The following PLAC8L1 variants were observed in gnomAD, a reference collection of about 807,000 sequenced individuals.
The protein encoded by PLAC8L1 is PLAC8-like protein 1.
In PLAC8L1, 13 loss-of-function variants were observed where a neutral mutation model predicts 16.3. That is an observed-to-expected ratio of 0.80 (90% CI 0.52 to 1.27). The LOEUF (loss-of-function observed/expected upper bound fraction) is 1.27. Ranked by LOEUF, PLAC8L1 falls within the 50% of genes most tolerant of loss-of-function variation. The pLI is 0.00. For missense variants in PLAC8L1, 184 were observed against 220.2 expected (o/e 0.84, Z 1.04); for synonymous variants, 78 against 79.3 (o/e 0.98, Z 0.09).
At chr5:146,100,178 G>A (rs949607155) in intron 1 of PLAC8L1, among the ~76,000 whole-genome samples, 1 of 152,140 alleles carries the variant, frequency 6.6e-6, no homozygotes, top group Admixed American at 6.5e-5. Context: ...ACGGCAAAAA[G>A]TAGAAAAATA....
intron 1 of PLAC8L1, among the ~76,000 whole-genome samples, chr5:146,102,198 G>A (rs1229143063): frequency 6.6e-6 from 1 of 151,958 alleles, no homozygotes; most frequent in African/African-American, 2.4e-5. Context: ...TGGGACCACA[G>A]GCACATGCCA....
chr5:146,084,439 A>G lies in PLAC8L1; in HGVS notation c.527T>C (p.Leu176Pro). The G allele has an allele frequency of 6.2e-7, 1 of 1,614,044 alleles. No homozygotes were observed. The highest frequency in any genetic ancestry group is 8.5e-7 in the Non-Finnish European group (1 of 1,179,930). ...GGAGGAGTTATCTTGCTGTCAAACC[A>G]GGGTGTCCTTAGTCATTGGGACTGC... Reference protein sequence around the residue: ...ICAVPMTKDTLV With the variant: ...ICAVPMTKDTPV Residue 176 changes from leucine (L) to proline (P), a missense_variant, in exon 4 of 4, where the codon CTG becomes CCG. By Grantham distance (98) the Leu-to-Pro change is moderately conservative. Coordinates refer to ENST00000311450, the MANE Select transcript of PLAC8L1 (RefSeq NM_001029869.3).
intron 2 of PLAC8L1, among the ~76,000 whole-genome samples, chr5:146,097,438 A>G (rs940446902): frequency 3.3e-5 from 5 of 152,222 alleles, no homozygotes; most frequent in Non-Finnish European, 2.9e-5. Context: ...GGAAATAAAC[A>G]CTATCCATTA....
At chr5:146,087,651 T>C (rs1763539249) in intron 2 of PLAC8L1, among the ~76,000 whole-genome samples, 1 of 152,190 alleles carries the variant, frequency 6.6e-6, no homozygotes, top group Non-Finnish European at 1.5e-5. Flanking sequence ...CTCAGCCTCC[T>C]GAGTAGTTGA....
intron 2 of PLAC8L1, among the ~76,000 whole-genome samples, chr5:146,086,823 G>T (rs1055657441): frequency 6.6e-6 from 1 of 152,164 alleles, no homozygotes; most frequent in Admixed American, 6.5e-5. Context: ...AAATAATTAG[G>T]ACTGTGAAAC....
At chr5:146,101,036 C>T (rs1258209320) in intron 1 of PLAC8L1, among the ~76,000 whole-genome samples, 1 of 151,898 alleles carries the variant, frequency 6.6e-6, no homozygotes. Flanking sequence ...CCTATCTCAA[C>T]TAAAAATACA....
intron 2 of PLAC8L1, among the ~76,000 whole-genome samples, chr5:146,089,312 G>A (rs1456266868): frequency 6.6e-6 from 1 of 152,116 alleles, no homozygotes; most frequent in Admixed American, 6.6e-5. Context: ...GAAATCAGAT[G>A]TGATTTTTAA....
intron 1 of PLAC8L1, 134 bp from the exon 2 acceptor site, chr5:146,098,426 G>T: frequency 1.4e-6 from 1 of 736,670 alleles, no homozygotes; most frequent in Non-Finnish European, 2.0e-6. Context: ...AATCGACTTT[G>T]CCATCTCCCT....
chr5:146,088,732 AT>A (rs1356083729), intron 2 of PLAC8L1, among the ~76,000 whole-genome samples: 2 of 152,134 alleles, frequency 1.3e-5, no homozygotes, highest in East Asian at 3.9e-4. Flanking sequence ...TAAGACTGGG[AT>A]ATTTCACCCT....
At chr5:146,096,631 A>G (rs1205238907) in intron 2 of PLAC8L1, among the ~76,000 whole-genome samples, 2 of 152,174 alleles carry the variant, frequency 1.3e-5, no homozygotes, top group African/African-American at 2.4e-5. Context: ...CCTAACCACT[A>G]CACCATATTC....
chr5:146,085,549 C>G lies in PLAC8L1; in HGVS notation c.305G>C (p.Arg102Thr). Residue 102 changes from arginine (R) to threonine (T), a missense_variant, in exon 3 of 4, where the codon AGG becomes ACG. Arg to Thr is a moderately conservative substitution (Grantham distance 71). Coordinates refer to ENST00000311450, the MANE Select transcript of PLAC8L1 (RefSeq NM_001029869.3). ...CPMCLECDIA[R>T]HYGECLCWPL... ...CCAACAAAGACACTCTCCATAATGC[C>G]TGGCGATGTCACACTCAAGACACAT... The G allele has an allele frequency of 6.2e-7, 1 of 1,614,156 alleles. No individual in the cohort carries two copies. The highest frequency in any genetic ancestry group is 8.5e-7 in the Non-Finnish European group (1 of 1,180,020).
intron 2 of PLAC8L1, among the ~76,000 whole-genome samples, chr5:146,095,123 T>C (rs1445500704): frequency 6.6e-6 from 1 of 152,234 alleles, no homozygotes; most frequent in Non-Finnish European, 1.5e-5. Context: ...CACAGTAATA[T>C]ATTACCTTTA....
At chr5:146,104,102 T>C in intron 1 of PLAC8L1, 91 bp downstream of exon 1, 1 of 1,504,606 alleles carries the variant, frequency 6.6e-7, no homozygotes. Context: ...CAAGCCCAGT[T>C]TTCTTTTCCC....
At position 146,103,735 on chromosome 5, in the gene PLAC8L1, G is replaced by C. The variant is rs971367530; in HGVS notation, c.119+458C>G. On this transcript the variant is annotated intron_variant, in intron 1 of 3. Transcript: ENST00000311450. ...CATTCCTCTTCCTCTTCTAGCACAAGCCCTACCATGTCTCCCACATGCCTG... is the reference window on the plus strand; with the variant it reads ...CATTCCTCTTCCTCTTCTAGCACAACCCCTACCATGTCTCCCACATGCCTG... The C allele has an allele frequency of 3.0e-6, 3 of 985,204 alleles. No homozygotes were observed. The African/African-American group carries it at 5.2e-5, about 17-fold the overall frequency. 61.0% of individuals were successfully genotyped at this position (985,204 alleles called of 1,614,324 possible). A position where few individuals can be genotyped will look rare whatever the true frequency, so the allele number is the denominator to read the frequency against.
intron 2 of PLAC8L1, among the ~76,000 whole-genome samples, chr5:146,089,178 A>G (rs1763569017): frequency 6.6e-6 from 1 of 152,136 alleles, no homozygotes; most frequent in African/African-American, 2.4e-5. Context: ...TAAAAAAAAC[A>G]CACGCTTTTG....
intron 1 of PLAC8L1, among the ~76,000 whole-genome samples, chr5:146,101,068 G>A (rs755035673): frequency 1.3e-5 from 2 of 151,932 alleles, no homozygotes; most frequent in African/African-American, 4.8e-5. Flanking sequence ...ATGGTGGCAC[G>A]CACCTGTGGT....
At chr5:146,100,398 A>G (rs1763794492) in intron 1 of PLAC8L1, among the ~76,000 whole-genome samples, 1 of 152,176 alleles carries the variant, frequency 6.6e-6, no homozygotes, top group Admixed American at 6.5e-5. Context: ...CTCATGGTTT[A>G]ATGAGCTTTC....
At chr5:146,104,022 G>A (rs1763867578) in intron 1 of PLAC8L1, 171 bp downstream of exon 1, 1 of 985,296 alleles carries the variant, frequency 1.0e-6, no homozygotes, top group Non-Finnish European at 1.2e-6. Flanking sequence ...GCCAAGAAAG[G>A]CCAGAAGGAA....
At chr5:146,098,721 T>C (rs1763759756) in intron 1 of PLAC8L1, among the ~76,000 whole-genome samples, 1 of 152,212 alleles carries the variant, frequency 6.6e-6, no homozygotes, top group African/African-American at 2.4e-5. Context: ...GGACATCTGA[T>C]TCGTTTACTG....
Sources: allele counts gnomAD v4.1 joint callset (sites outside exome capture counted in the v4.1 genomes callset), GRCh38; gene constraint gnomAD v4.1.1; transcripts MANE v1.5; gene names NCBI Gene and HGNC (gene_info 2026-07-23, HGNC 2026-07-21).